Variants in CDCA2 observed in about 807,000 individuals in gnomAD.
CDCA2 encodes cell division cycle-associated protein 2.
Under a neutral mutation model 67.0 loss-of-function variants are expected in CDCA2, and 44 were observed. The ratio of observed to expected loss-of-function variants is 0.66; its 90% confidence interval spans 0.52 to 0.84. CDCA2 has a LOEUF of 0.84. Ranked by LOEUF, CDCA2 falls within the 40% of genes least tolerant of loss-of-function variation. The pLI is 0.00. For synonymous variants in CDCA2, 447 were observed against 418.7 expected (o/e 1.07, Z -0.82); for missense variants, 1,253 against 1,203.2 (o/e 1.04, Z -0.61).
Position 25,506,895 on chromosome 8 carries a change from T to G in CDCA2, c.2229T>G (p.Gly743=). 6.2e-7 allele frequency: 1 copy of G among 1,612,154 alleles called. No individual in the cohort carries two copies. Among genetic ancestry groups the G allele is most frequent in the Non-Finnish European group, 8.5e-7 (1 of 1,179,120 alleles). ...LQQGQEFSAG[G]QNAENLCQFF... is the part of the protein sequence containing the mutation. ...AGGGTCAAGAATTTTCTGCTGGTGG[T>G]CAAAATGCAGAAAACCTTTGTCAGT... Residue 743 remains glycine (G), a synonymous_variant, in exon 15 of 15, where the codon GGT becomes GGG. Coordinates refer to ENST00000330560, the MANE Select transcript of CDCA2 (RefSeq NM_152562.4).
rs1802954568 is a variant in CDCA2 at position 25,467,313 on chromosome 8, A to G, written c.539-904A>G. On this transcript the variant is annotated intron_variant, in intron 5 of 14. Transcript: ENST00000330560. ...CTTGAACCATCTTTAAGTGCATTTC[A>G]GCACCTCCCATGAGGATTGCTCTGT... Among the ~76,000 whole-genome samples, 6 of 152,292 alleles carry G rather than the reference A, an allele frequency of 3.9e-5. No homozygotes were observed. In the South Asian group the frequency reaches 1.2e-3, roughly 32 times the overall value.
At position 25,483,111 on chromosome 8, in the gene CDCA2, CTTTA is replaced by C. The variant is rs575280074; in HGVS notation, c.1033-284_1033-281del. 1.6e-3 allele frequency among the ~76,000 whole-genome samples: 236 copies of C among 152,158 alleles called. 1 individual carries two copies. Among genetic ancestry groups the C allele is most frequent in the African/African-American group, 5.5e-3 (228 of 41,534 alleles). The stretch of plus-strand genomic sequence containing the variant: ...TTCTAGCTACTCACGTTTTCCTTAG[CTTTA>C]TTTGCTAGATCAAACATTGAATGAA... On this transcript the variant is annotated intron_variant, in intron 8 of 14. Transcript: ENST00000330560.
intron 4 of CDCA2, among the ~76,000 whole-genome samples, 192 bp from the exon 5 acceptor site, chr8:25,465,983 G>C (rs1802884405): frequency 1.3e-5 from 2 of 152,154 alleles, no homozygotes; most frequent in Admixed American, 1.3e-4. Context: ...ACATTTTTGT[G>C]TTAAACTTCC....
rs1435697661 is a variant in CDCA2, at chr8:25,468,356, A to G, written c.678A>G (p.Ile226Met). Residue 226 changes from isoleucine to methionine, a missense_variant, in exon 6 of 15, where the codon ATA becomes ATG. Transcript: ENST00000330560. ...DAEGKVIGLQ[I>M]FNIDTDRACA... The stretch of plus-strand genomic sequence containing the variant: ...AAGGAAAAGTAATTGGTCTCCAGAT[A>G]TTCAATATTGATACAGACAGAGCAT... 1 of 1,613,886 alleles carries G rather than the reference A, an allele frequency of 6.2e-7. No homozygotes were observed.
At chr8:25,478,985 C>A (rs1803463030) in intron 7 of CDCA2, among the ~76,000 whole-genome samples, 1 of 150,986 alleles carries the variant, frequency 6.6e-6, no homozygotes, top group African/African-American at 2.4e-5. Flanking sequence ...ATCCAGTATT[C>A]CCTTCACCTA....
At chr8:25,483,825 A>G in intron 9 of CDCA2, 141 bp from the exon 10 acceptor site, 1 of 753,590 alleles carries the variant, frequency 1.3e-6, no homozygotes, top group Non-Finnish European at 2.0e-6. Context: ...CTCTACCAAC[A>G]ATTATTTTAT....
At chr8:25,483,858 T>C (rs1803661574) in intron 9 of CDCA2, 108 bp from the exon 10 acceptor site, 3 of 1,008,640 alleles carry the variant, frequency 3.0e-6, no homozygotes, top group Non-Finnish European at 4.3e-6. Context: ...CTAGCTATTA[T>C]ACAAATAATA....
At position 25,507,895 on chromosome 8, in the gene CDCA2, A is replaced by C; in HGVS notation, c.*157A>C. ...ACCTACTTTTATGTAGAAATAAATA[A>C]GTTTCTTCATCATTCAGATAGAAAA... On this transcript the variant is annotated 3_prime_UTR_variant, in exon 15 of 15. Coordinates refer to ENST00000330560, the MANE Select transcript of CDCA2 (RefSeq NM_152562.4). 1.7e-6 allele frequency: 1 copy of C among 589,570 alleles called. No homozygotes were observed. The highest frequency in any genetic ancestry group is 2.6e-6 in the Non-Finnish European group (1 of 382,108). The allele number at this position is 589,570 out of a possible 1,614,324, so 36.5% of individuals were successfully genotyped here.
At chr8:25,502,188 C>G (rs763370793) in intron 13 of CDCA2, among the ~76,000 whole-genome samples, 4 of 152,204 alleles carry the variant, frequency 2.6e-5, no homozygotes, top group Non-Finnish European at 4.4e-5. Context: ...AGCCACCACG[C>G]CTGGCCTGTG....
chr8:25,467,195 C>A lies in CDCA2; in HGVS notation c.538+870C>A, dbSNP rs1202051084. ...CCCAATCACGAAGCATTTCAGATAC[C>A]AGAATGTGACAAAATCTTGGTCTTA... On this transcript the variant is annotated intron_variant, in intron 5 of 14. Transcript: ENST00000330560. Among the ~76,000 whole-genome samples, 2 of 151,334 alleles carry A rather than the reference C, an allele frequency of 1.3e-5. 1 individual carries two copies. Among genetic ancestry groups the A allele is most frequent in the Non-Finnish European group, 2.9e-5 (2 of 67,908 alleles).
At chr8:25,475,332 A>G (rs1161435215) in intron 7 of CDCA2, among the ~76,000 whole-genome samples, 1 of 152,140 alleles carries the variant, frequency 6.6e-6, no homozygotes, top group Non-Finnish European at 1.5e-5. Flanking sequence ...CAGCCTGACC[A>G]ATATGGTGAA....
At position 25,465,077 on chromosome 8, in the gene CDCA2, G is replaced by A. The variant is rs1216299832; in HGVS notation, c.388-1098G>A. On this transcript the variant is annotated intron_variant, in intron 4 of 14. Coordinates refer to ENST00000330560, the MANE Select transcript of CDCA2 (RefSeq NM_152562.4). ...CAACCTCTACCTCCCAGGTTCAAGC[G>A]ATTCTCCCACCTCAGCCTCCCACAT... is the stretch of plus-strand genomic sequence containing the variant. 1.3e-5 allele frequency among the ~76,000 whole-genome samples: 2 copies of A among 152,118 alleles called. 1 individual carries two copies. The highest frequency in any genetic ancestry group is 4.8e-5 in the African/African-American group (2 of 41,418).
chr8:25,487,844 C>T (rs1343967341), intron 12 of CDCA2, among the ~76,000 whole-genome samples: 2 of 152,234 alleles, frequency 1.3e-5, no homozygotes, highest in East Asian at 3.9e-4. Flanking sequence ...TAGAAAGATG[C>T]TTTCAGAGCT....
chr8:25,496,166 G>A (rs1361943805), intron 13 of CDCA2, among the ~76,000 whole-genome samples: 1 of 152,148 alleles, frequency 6.6e-6, no homozygotes, highest in Admixed American at 6.5e-5. Context: ...AACTACTGGT[G>A]TCATGTTAAC....
chr8:25,464,714 A>G (rs976279721), intron 4 of CDCA2, among the ~76,000 whole-genome samples: 2 of 152,198 alleles, frequency 1.3e-5, no homozygotes, highest in Non-Finnish European at 2.9e-5. Context: ...TGTGCAAAAA[A>G]AGCACATTCA....
rs776275660 is a variant in CDCA2, at chr8:25,507,296, T to G, written c.2630T>G (p.Ile877Ser). ...CTGTTTAAAGATTTGTCTGATGCCA[T>G]TGAGCAAACCTTTCAGAGGAGAAAT... ...SELFKDLSDA[I>S]EQTFQRRNSE... Residue 877 changes from isoleucine (I) to serine (S), a missense_variant, in exon 15 of 15, where the codon ATT (isoleucine) becomes AGT (serine). Physicochemically the swap from Ile to Ser is moderately radical, Grantham distance 142 (BLOSUM62 -2). Coordinates refer to ENST00000330560, the MANE Select transcript of CDCA2 (RefSeq NM_152562.4). 6.2e-7 allele frequency: 1 copy of G among 1,614,074 alleles called. No individual in the cohort carries two copies. The highest frequency in any genetic ancestry group is 8.5e-7 in the Non-Finnish European group (1 of 1,180,044).
In CDCA2 at chr8:25,483,286, A is replaced by AAT. The variant is rs1803638680; in HGVS notation, c.1033-111_1033-110dup. ...ATTATTGAAAATAAAGGTAATCTTT[A>AAT]ATACTGGAATATCTATCTGCAGTTG... is the stretch of plus-strand genomic sequence containing the variant. On this transcript the variant is annotated intron_variant, in intron 8 of 14. Coordinates refer to ENST00000330560, the MANE Select transcript of CDCA2 (RefSeq NM_152562.4). 3.1e-5 allele frequency: 17 copies of AAT among 541,538 alleles called. No individual in the cohort carries two copies. In the South Asian group the frequency reaches 6.1e-4, roughly 19 times the overall value. 33.5% of individuals were successfully genotyped at this position (541,538 alleles called of 1,614,324 possible). A position where few individuals can be genotyped will look rare whatever the true frequency, so the allele number is the denominator to read the frequency against.
At chr8:25,490,586 T>C (rs1464655067) in intron 13 of CDCA2, among the ~76,000 whole-genome samples, 2 of 151,962 alleles carry the variant, frequency 1.3e-5, no homozygotes, top group Admixed American at 6.6e-5. Context: ...AATTGGCAGG[T>C]ACGATGGATG....
intron 13 of CDCA2, among the ~76,000 whole-genome samples, chr8:25,499,284 A>C: frequency 6.9e-6 from 1 of 144,322 alleles, no homozygotes; most frequent in Non-Finnish European, 1.5e-5. Flanking sequence ...ATTTGTTGCC[A>C]TGTCCATGAA....
Sources: gnomAD v4.1 joint callset for allele counts (sites outside exome capture counted in the v4.1 genomes callset) on GRCh38, gnomAD v4.1.1 for gene constraint, MANE v1.5 for transcripts, NCBI Gene and HGNC (gene_info 2026-07-23, HGNC 2026-07-21) for gene names.